The following BLNK variants were observed in gnomAD, a reference collection of about 807,000 sequenced individuals.
BLNK encodes the protein B cell linker, also known as B-cell linker protein.
Under a neutral mutation model 73.5 loss-of-function variants are expected in BLNK, and 29 were observed. The ratio of observed to expected loss-of-function variants is 0.39; its 90% CI spans 0.29 to 0.54. The LOEUF (loss-of-function observed/expected upper bound fraction) is 0.54. BLNK is among the 20% of genes least tolerant of loss of function. BLNK has a pLI of 0.61. For missense variants in BLNK, 460 were observed against 562.8 expected (o/e 0.82, Z 1.85); for synonymous variants, 176 against 200.8 (o/e 0.88, Z 1.04).
intron 16 of BLNK, among the ~76,000 whole-genome samples, chr10:96,195,233 G>T (rs587720339): frequency 6.6e-6 from 1 of 152,146 alleles, no homozygotes; most frequent in Admixed American, 6.5e-5. Context: ...TGGTGCAACT[G>T]CTATGGAAAA....
At chr10:96,250,068 G>C (rs1335112137) in intron 1 of BLNK, among the ~76,000 whole-genome samples, 1 of 152,158 alleles carries the variant, frequency 6.6e-6, no homozygotes, top group African/African-American at 2.4e-5. Flanking sequence ...ATTGTAATTT[G>C]GGTAACAAAG....
chr10:96,195,740 A>G (rs2083449021), intron 16 of BLNK, among the ~76,000 whole-genome samples: 1 of 152,212 alleles, frequency 6.6e-6, no homozygotes, highest in African/African-American at 2.4e-5. Flanking sequence ...ACAACAATGT[A>G]AATATACTTA....
chr10:96,239,271 G>C (rs1842805172), intron 3 of BLNK: 2 of 397,674 alleles, frequency 5.0e-6, no homozygotes, highest in Non-Finnish European at 4.4e-6. Flanking sequence ...TGGGCCCTGA[G>C]CCCCAGAGAT....
At chr10:96,258,589 C>T (rs1165928590) in intron 1 of BLNK, among the ~76,000 whole-genome samples, 2 of 152,156 alleles carry the variant, frequency 1.3e-5, no homozygotes, top group Non-Finnish European at 2.9e-5. Context: ...GCTTGAGCCC[C>T]CTGCTAGAGA....
chr10:96,227,094 C>G (rs974831692), intron 5 of BLNK, among the ~76,000 whole-genome samples: 6 of 152,186 alleles, frequency 3.9e-5, no homozygotes, highest in African/African-American at 1.4e-4. Flanking sequence ...GTTGCTTTCC[C>G]TTGGAGTGTT....
intron 1 of BLNK, among the ~76,000 whole-genome samples, chr10:96,249,044 T>A (rs192598855): frequency 8.5e-4 from 129 of 152,368 alleles, no homozygotes; most frequent in African/African-American, 2.7e-3. Flanking sequence ...ACGTGGTTCT[T>A]CCCTGAAAGA....
At chr10:96,232,002 A>G (rs144362446) in intron 3 of BLNK, among the ~76,000 whole-genome samples, 1 of 152,364 alleles carries the variant, frequency 6.6e-6, no homozygotes, top group East Asian at 1.9e-4. Context: ...GAATAAAATA[A>G]GTCTGAATTA....
At position 96,207,876 on chromosome 10, in the gene BLNK, T is replaced by G; in HGVS notation, c.770A>C (p.Lys257Thr). ...RAGKKPTTPL[K>T]TTPVASQQNA... ...TTAAATGCAAAATTAACTTACTGTC[T>G]TCAGTGGTGTCGTTGGTTTTTTCCT... Residue 257 changes from lysine to threonine, a missense_variant, in exon 10 of 17, where the codon AAG (lysine) becomes ACG (threonine). Physicochemically the swap from Lys to Thr is moderately conservative, Grantham distance 78. This residue lies in a region of BLNK where 233 missense variants were observed against 232.1 expected (regional missense o/e 1.00). Transcript: ENST00000224337. 2 of 1,614,166 alleles carry G rather than the reference T, an allele frequency of 1.2e-6. No individual in the cohort carries two copies. Among genetic ancestry groups the G allele is most frequent in the Non-Finnish European group, 1.7e-6 (2 of 1,179,988 alleles).
intron 3 of BLNK, among the ~76,000 whole-genome samples, chr10:96,237,194 G>A (rs1295712234): frequency 1.3e-5 from 2 of 152,204 alleles, no homozygotes; most frequent in East Asian, 1.9e-4. Context: ...CAGAAAACCA[G>A]GTAAATGCTG....
intron 2 of BLNK, 137 bp downstream of exon 2, chr10:96,246,847 C>T (rs1476507290): frequency 3.2e-6 from 2 of 627,666 alleles, no homozygotes; most frequent in East Asian, 2.9e-5. Context: ...CCATGGATTC[C>T]AGCCAATAGT....
chr10:96,253,859 C>CAA (rs782234797), intron 1 of BLNK, among the ~76,000 whole-genome samples: 3 of 139,808 alleles, frequency 2.1e-5, no homozygotes, highest in African/African-American at 7.8e-5. Flanking sequence ...ACTAAAAATA[C>CAA]AAAAAAAAAA....
At chr10:96,223,732 T>TAAA in intron 6 of BLNK, 94 bp downstream of exon 6, 1 of 1,471,570 alleles carries the variant, frequency 6.8e-7, no homozygotes. Flanking sequence ...TAGCAGGTTG[T>TAAA]AAAGAAGGAG....
chr10:96,203,465 T>A (rs1418108916), intron 13 of BLNK: 1 of 152,268 alleles, frequency 6.6e-6, no homozygotes, highest in Admixed American at 6.5e-5. Context: ...ATTATCTATG[T>A]AAAGCAGAGT....
chr10:96,250,253 C>G (rs1476626993), intron 1 of BLNK, among the ~76,000 whole-genome samples: 1 of 152,160 alleles, frequency 6.6e-6, no homozygotes, highest in Non-Finnish European at 1.5e-5. Flanking sequence ...TGCCTCAGAA[C>G]TCTACAGTTT....
Position 96,257,580 on chromosome 10 carries a change from C to T in BLNK, c.48-10531G>A, listed in dbSNP as rs782707723. On this transcript the variant is annotated intron_variant, in intron 1 of 16. Transcript: ENST00000224337. ...CTGATTCTGTCTTCATCTAAAATTC[C>T]AGTAGTTTCTTCATCATGGATTTCT... 1.4e-4 allele frequency among the ~76,000 whole-genome samples: 21 copies of T among 152,280 alleles called. 1 individual carries two copies. Among genetic ancestry groups the T allele is most frequent in the African/African-American group, 4.8e-4 (20 of 41,570 alleles).
intron 1 of BLNK, among the ~76,000 whole-genome samples, chr10:96,268,650 C>T (rs1844123218): frequency 6.6e-6 from 1 of 152,186 alleles, no homozygotes; most frequent in South Asian, 2.1e-4. Flanking sequence ...CATTCCCTTT[C>T]TTCTTCATTT....
chr10:96,192,096 G>C lies in BLNK; in HGVS notation c.1252-4C>G. 6.2e-7 allele frequency: 1 copy of C among 1,613,482 alleles called. No homozygotes were observed. Among genetic ancestry groups the C allele is most frequent in the Non-Finnish European group, 8.5e-7 (1 of 1,179,674 alleles). On this transcript the variant is annotated splice_polypyrimidine_tract_variant and splice_region_variant and intron_variant, in intron 16 of 16. Coordinates refer to ENST00000224337, the MANE Select transcript of BLNK (RefSeq NM_013314.4). ...TTTCAGCAACACTTCCAAAGTACTA[G>C]AGGAAGAAAACATAGATGAATTATA... is the stretch of plus-strand genomic sequence containing the variant.
intron 3 of BLNK, among the ~76,000 whole-genome samples, chr10:96,235,062 T>C (rs1458678744): frequency 1.3e-5 from 2 of 152,248 alleles, no homozygotes; most frequent in African/African-American, 2.4e-5. Context: ...TTAAGATTCA[T>C]GTAGCCCTCC....
chr10:96,261,162 C>CA (rs1232632924), intron 1 of BLNK, among the ~76,000 whole-genome samples: 3 of 151,594 alleles, frequency 2.0e-5, no homozygotes, highest in African/African-American at 7.3e-5. Flanking sequence ...TCTAGTGGGT[C>CA]AAAAAAATAT....
Sources: gnomAD v4.1 joint callset for allele counts (sites outside exome capture counted in the v4.1 genomes callset) on GRCh38, gnomAD v4.1.1 for gene constraint, gnomAD v4.1.1 regional missense constraint, MANE v1.5 for transcripts, NCBI Gene and HGNC (gene_info 2026-07-23, HGNC 2026-07-21) for gene names.